Variants in FHIP1A observed in about 807,000 individuals in gnomAD.
FHIP1A encodes FHF complex subunit HOOK interacting protein 1A, also known as FHF complex subunit HOOK-interacting protein 1A.
Under a neutral mutation model 88.6 loss-of-function variants are expected in FHIP1A, and 61 were observed. That is an observed-to-expected ratio of 0.69 (90% CI 0.56 to 0.85). FHIP1A has a LOEUF of 0.85. Ranked by LOEUF, FHIP1A falls within the 40% of genes least tolerant of loss-of-function variation. The pLI is 0.00. For missense variants in FHIP1A, 1,154 were observed against 1,273.5 expected (o/e 0.91, Z 1.43); for synonymous variants, 478 against 496.0 (o/e 0.96, Z 0.48).
At chr4:151,560,336 A>G (rs552364549) in intron 3 of FHIP1A, among the ~76,000 whole-genome samples, 1 of 152,304 alleles carries the variant, frequency 6.6e-6, no homozygotes, top group South Asian at 2.1e-4. Context: ...AAAACTGTAG[A>G]TACAGGTATT....
At chr4:151,497,752 C>T (rs1730515303) in intron 3 of FHIP1A, among the ~76,000 whole-genome samples, 1 of 152,204 alleles carries the variant, frequency 6.6e-6, no homozygotes, top group Admixed American at 6.5e-5. Context: ...TGTTGACAAG[C>T]ATTGTCCTTG....
chr4:151,662,403 A>C, intron 13 of FHIP1A, 98 bp from the exon 14 acceptor site: 1 of 1,302,870 alleles, frequency 7.7e-7, no homozygotes, highest in Non-Finnish European at 1.0e-6. Flanking sequence ...ATAACTAGAT[A>C]CTCTCCAGCA....
At chr4:151,509,043 G>A (rs552596890) in intron 3 of FHIP1A, among the ~76,000 whole-genome samples, 10 of 152,192 alleles carry the variant, frequency 6.6e-5, no homozygotes, top group Non-Finnish European at 1.5e-4. Context: ...GTGCTAGGAT[G>A]GGGCTTCCCA....
At chr4:151,561,661 A>G (rs1483331616) in intron 3 of FHIP1A, among the ~76,000 whole-genome samples, 2 of 152,218 alleles carry the variant, frequency 1.3e-5, no homozygotes, top group Admixed American at 1.3e-4. Context: ...CTTTTTATAT[A>G]TTTTTTATGT....
chr4:151,452,977 A>AC (rs1728845362), intron 1 of FHIP1A, among the ~76,000 whole-genome samples: 1 of 119,304 alleles, frequency 8.4e-6, no homozygotes, highest in Non-Finnish European at 1.9e-5. Flanking sequence ...CACACACACA[A>AC]ACATACATTG....
chr4:151,422,635 C>A (rs1291422592), intron 1 of FHIP1A, among the ~76,000 whole-genome samples: 2 of 152,162 alleles, frequency 1.3e-5, no homozygotes, highest in Admixed American at 1.3e-4. Context: ...AAGTGATTCG[C>A]CTGCCTCAGC....
chr4:151,473,365 C>T (rs886549950), intron 2 of FHIP1A, among the ~76,000 whole-genome samples: 1 of 151,846 alleles, frequency 6.6e-6, no homozygotes, highest in Non-Finnish European at 1.5e-5. Flanking sequence ...AGTTAATGCT[C>T]CTTCATTTCC....
At chr4:151,569,934 TGG>T (rs1206495698) in intron 4 of FHIP1A, among the ~76,000 whole-genome samples, 2 of 152,184 alleles carry the variant, frequency 1.3e-5, no homozygotes, top group South Asian at 4.1e-4. Flanking sequence ...CTTTCAGGAA[TGG>T]TTGCATTCCA....
intron 5 of FHIP1A, among the ~76,000 whole-genome samples, chr4:151,585,922 C>T (rs575932291): frequency 6.6e-6 from 1 of 152,274 alleles, no homozygotes; most frequent in South Asian, 2.1e-4. Context: ...TTATTTCCTC[C>T]TCTCTTTTCC....
At chr4:151,559,076 T>G (rs558373762) in intron 3 of FHIP1A, among the ~76,000 whole-genome samples, 1 of 152,220 alleles carries the variant, frequency 6.6e-6, no homozygotes, top group Non-Finnish European at 1.5e-5. Flanking sequence ...ATATGTTTTC[T>G]GTTAAATATC....
chr4:151,569,042 G>A (rs1733498061), intron 4 of FHIP1A, among the ~76,000 whole-genome samples: 1 of 152,248 alleles, frequency 6.6e-6, no homozygotes, highest in Non-Finnish European at 1.5e-5. Flanking sequence ...GTTGGGCTGG[G>A]GTGGGTGAAG....
At chr4:151,437,965 A>G (rs905564925) in intron 1 of FHIP1A, among the ~76,000 whole-genome samples, 1 of 152,166 alleles carries the variant, frequency 6.6e-6, no homozygotes, top group Non-Finnish European at 1.5e-5. Flanking sequence ...TCAAGTCATG[A>G]TTCTAATAGT....
intron 3 of FHIP1A, among the ~76,000 whole-genome samples, chr4:151,550,677 C>T (rs906359985): frequency 2.0e-5 from 3 of 152,172 alleles, no homozygotes; most frequent in African/African-American, 7.2e-5. Flanking sequence ...AATATTTTCC[C>T]TCTCTCTAAG....
Position 151,649,976 on chromosome 4 carries a change from C to T in FHIP1A, c.1935C>T (p.Tyr645=), listed in dbSNP as rs1736954357. ...ESDFQDDVMV[Y]RLCAEKDSED... ...ACTTTCAGGATGATGTGATGGTGTA[C>T]AGGCTGTGTGCTGAGAAGGACTCCG... Residue 645 remains tyrosine (Y), a synonymous_variant, in exon 11 of 14, where the codon TAC becomes TAT. Transcript: ENST00000435205. 2 of 1,551,488 alleles carry T rather than the reference C, an allele frequency of 1.3e-6. No individual in the cohort carries two copies. The highest frequency in any genetic ancestry group is 1.7e-6 in the Non-Finnish European group (2 of 1,146,982).
chr4:151,431,048 A>G (rs555148627), intron 1 of FHIP1A, among the ~76,000 whole-genome samples: 5 of 152,328 alleles, frequency 3.3e-5, no homozygotes, highest in South Asian at 2.1e-4. Context: ...TGTGCCTAGC[A>G]ATAATAAGAT....
chr4:151,473,165 T>G (rs950733625), intron 2 of FHIP1A, among the ~76,000 whole-genome samples: 5 of 152,150 alleles, frequency 3.3e-5, no homozygotes, highest in Admixed American at 6.6e-5. Flanking sequence ...TACTGGTAAA[T>G]GAAGGCTTAG....
At chr4:151,489,828 GTC>G (rs1218589410) in intron 3 of FHIP1A, among the ~76,000 whole-genome samples, 1 of 152,168 alleles carries the variant, frequency 6.6e-6, no homozygotes, top group African/African-American at 2.4e-5. Context: ...CCCAAGGAGA[GTC>G]TGAGTTCAGA....
intron 4 of FHIP1A, among the ~76,000 whole-genome samples, chr4:151,575,211 CAATAT>C (rs1186185751): frequency 2.6e-5 from 4 of 152,128 alleles, no homozygotes; most frequent in Non-Finnish European, 1.5e-5. Flanking sequence ...TAAGTAAACT[CAATAT>C]ATGGACTTTG....
intron 7 of FHIP1A, among the ~76,000 whole-genome samples, chr4:151,597,879 C>T (rs767131916): frequency 1.4e-4 from 22 of 152,288 alleles, no homozygotes; most frequent in African/African-American, 2.9e-4. Context: ...TGCCCCTCCC[C>T]GCACCAAGCT....
Sources: allele counts gnomAD v4.1 joint callset (sites outside exome capture counted in the v4.1 genomes callset), GRCh38; gene constraint gnomAD v4.1.1; transcripts MANE v1.5; gene names NCBI Gene and HGNC (gene_info 2026-07-23, HGNC 2026-07-21).